FANCB: variants seen among roughly 807,000 people sequenced by gnomAD.
FANCB encodes FA complementation group B.
Under a neutral mutation model 38.9 loss-of-function variants are expected in FANCB, and 5 were observed. That is an observed-to-expected ratio of 0.13 (90% CI 0.07 to 0.27). The LOEUF is 0.27. FANCB is among the 10% of genes least tolerant of loss of function. FANCB has a pLI of 1.00. For synonymous variants in FANCB, 236 were observed against 215.4 expected, an observed-to-expected ratio of 1.10 and a Z score of -0.84; for missense variants, 573 against 602.7, an observed-to-expected ratio of 0.95 and a Z score of 0.52.
the FANCB span, among the ~76,000 whole-genome samples, chrX:14,723,588 G>A: frequency 1.8e-5 from 2 of 111,675 alleles, no homozygotes; most frequent in South Asian, 7.5e-4. Flanking sequence ...ATCAGACACT[G>A]GTTTACAGGG....
At chrX:14,840,590 G>A (rs915789129), downstream of FANCB, among the ~76,000 whole-genome samples, 4 of 112,110 alleles carry the variant, frequency 3.6e-5, no homozygotes, top group African/African-American at 1.3e-4. Flanking sequence ...ATGTGGAAAA[G>A]GTAATCAATA....
the FANCB span, among the ~76,000 whole-genome samples, chrX:14,774,153 A>T: frequency 8.9e-6 from 1 of 112,353 alleles, no homozygotes; most frequent in African/African-American, 3.2e-5. Flanking sequence ...TATAAATTTA[A>T]TGAGATCCCA....
At chrX:14,835,328 G>T, downstream of FANCB, 1 of 478,499 alleles carries the variant, frequency 2.1e-6, no homozygotes, top group Non-Finnish European at 3.8e-6. Flanking sequence ...CCATCAGGTG[G>T]CTACATGCAC....
chrX:14,712,753 A>G, the FANCB span, among the ~76,000 whole-genome samples: 1 of 111,217 alleles, frequency 9.0e-6, no homozygotes, highest in Non-Finnish European at 1.9e-5. Context: ...GTAGAAAACC[A>G]AGTGTTCACA....
At chrX:14,798,329 ATT>A in the FANCB span, among the ~76,000 whole-genome samples, 1 of 109,306 alleles carries the variant, frequency 9.1e-6, no homozygotes, top group Non-Finnish European at 1.9e-5. Flanking sequence ...CACCTGGCTA[ATT>A]TTTTGTATTT....
At chrX:14,757,655 A>G in the FANCB span, among the ~76,000 whole-genome samples, 45 of 111,998 alleles carry the variant, frequency 4.0e-4, 1 homozygote, top group African/African-American at 1.5e-3. Flanking sequence ...AGTACGGGGT[A>G]GAAGAAGCAG....
chrX:14,794,789 G>A, the FANCB span, among the ~76,000 whole-genome samples: 2 of 112,117 alleles, frequency 1.8e-5, no homozygotes, highest in Admixed American at 1.9e-4. Flanking sequence ...AGAGTGGGGA[G>A]AGAATAGGCA....
the FANCB span, among the ~76,000 whole-genome samples, chrX:14,828,637 C>A: frequency 8.9e-6 from 1 of 112,005 alleles, no homozygotes; most frequent in South Asian, 3.7e-4. Flanking sequence ...GCAGTTACTT[C>A]CTCCACCAAG....
the FANCB span, among the ~76,000 whole-genome samples, chrX:14,811,801 G>A: frequency 3.3e-4 from 37 of 111,364 alleles, no homozygotes; most frequent in Non-Finnish European, 6.6e-4. Flanking sequence ...ACTCAGCTCT[G>A]CACCAAGCGG....
the FANCB span, among the ~76,000 whole-genome samples, chrX:14,695,215 T>G: frequency 9.3e-6 from 1 of 107,435 alleles, no homozygotes; most frequent in African/African-American, 3.4e-5. Context: ...CTATCTAGAG[T>G]GGATTGGGCA....
chrX:14,770,428 G>C, the FANCB span, among the ~76,000 whole-genome samples: 1 of 111,773 alleles, frequency 8.9e-6, no homozygotes, highest in Non-Finnish European at 1.9e-5. Flanking sequence ...TTGGTTTAAA[G>C]TATGTTTTGT....
chrX:14,819,104 C>T, the FANCB span, among the ~76,000 whole-genome samples: 1 of 112,023 alleles, frequency 8.9e-6, no homozygotes, highest in Non-Finnish European at 1.9e-5. Context: ...TTCCCCAGCC[C>T]CCCTGGACAA....
rs758546007 is a variant in FANCB at position 14,853,150 on chromosome X, A to T, written c.1215T>A (p.Phe405Leu). ...ETGLKVCFSS[F>L]RELRQHLLLK... Reference sequence around the variant, plus strand: ...GCAACAGATGCTGCCGTAATTCCCGAAAAGAAGAAAAACAAACCTGTAAAG... The same window carrying T: ...GCAACAGATGCTGCCGTAATTCCCGTAAAGAAGAAAAACAAACCTGTAAAG... Residue 405 changes from phenylalanine to leucine, a missense_variant, in exon 6 of 10, where the codon TTT (phenylalanine) becomes TTA (leucine). Coordinates refer to ENST00000650831, the MANE Select transcript of FANCB (RefSeq NM_001018113.3). The T allele has an allele frequency of 9.9e-6, 12 of 1,207,396 alleles. No individual in the cohort carries two copies. The South Asian group carries it at 2.1e-4, about 21-fold the overall frequency.
chrX:14,716,264 A>T, the FANCB span, among the ~76,000 whole-genome samples: 1 of 111,642 alleles, frequency 9.0e-6, no homozygotes, highest in South Asian at 3.8e-4. Flanking sequence ...CAAATGTCCT[A>T]TCTCTTCATT....
chrX:14,712,458 C>G, the FANCB span, among the ~76,000 whole-genome samples: 1 of 111,175 alleles, frequency 9.0e-6, no homozygotes, highest in Non-Finnish European at 1.9e-5. Context: ...TCTTCTTTAT[C>G]CTTGTTTCTG....
chrX:14,701,798 T>C, the FANCB span, among the ~76,000 whole-genome samples: 1 of 112,659 alleles, frequency 8.9e-6, no homozygotes, highest in Non-Finnish European at 1.9e-5. Context: ...CAGACCTTCT[T>C]AAGGGAGTTT....
intron 4 of FANCB, 33 bp from the exon 5 acceptor site, chrX:14,857,987 G>T: frequency 1.1e-6 from 1 of 913,447 alleles, no homozygotes; most frequent in Non-Finnish European, 1.6e-6. Flanking sequence ...AATACACTAA[G>T]ACTGAAATTT....
At chrX:14,745,322 C>G in the FANCB span, among the ~76,000 whole-genome samples, 1 of 111,583 alleles carries the variant, frequency 9.0e-6, no homozygotes, top group Non-Finnish European at 1.9e-5. Context: ...GGAAGCAAAA[C>G]AAAGAAAACA....
the FANCB span, among the ~76,000 whole-genome samples, chrX:14,700,247 A>G: frequency 9.0e-5 from 10 of 111,089 alleles, no homozygotes; most frequent in African/African-American, 3.0e-4. Flanking sequence ...GAAGTGGATA[A>G]GATTACCCAG....
Sources: gnomAD v4.1 joint callset for allele counts (sites outside exome capture counted in the v4.1 genomes callset) on GRCh38, gnomAD v4.1.1 for gene constraint, MANE v1.5 for transcripts, NCBI Gene and HGNC (gene_info 2026-07-23, HGNC 2026-07-21) for gene names.